The following SIPA1L2 variants were observed in gnomAD, a reference collection of about 807,000 sequenced individuals.
SIPA1L2 encodes signal-induced proliferation-associated 1-like protein 2.
SIPA1L2 carries 56 observed loss-of-function variants against 163.9 expected under a neutral mutation model. The ratio of observed to expected loss-of-function variants is 0.34; its 90% CI spans 0.28 to 0.43. SIPA1L2 has a LOEUF of 0.43. Ranked by LOEUF, SIPA1L2 falls within the 20% of genes least tolerant of loss-of-function variation. The pLI is 1.00. For missense variants in SIPA1L2, 1,974 were observed against 2,193.5 expected, an observed-to-expected ratio of 0.90 and a Z score of 2.00; for synonymous variants, 877 against 865.7, an observed-to-expected ratio of 1.01 and a Z score of -0.23.
intron 10 of SIPA1L2, among the ~76,000 whole-genome samples, chr1:232,448,556 C>A (rs1663352197): frequency 6.6e-6 from 1 of 152,190 alleles, no homozygotes; most frequent in African/African-American, 2.4e-5. Context: ...CAACTGCCAA[C>A]TGAATTTGGA....
intron 19 of SIPA1L2, 104 bp from the exon 20 acceptor site, chr1:232,404,282 G>GT: frequency 1.1e-6 from 1 of 925,102 alleles, no homozygotes; most frequent in South Asian, 1.5e-5. Flanking sequence ...GTGTGTGTGT[G>GT]ATGGACCAGG....
intron 6 of SIPA1L2, among the ~76,000 whole-genome samples, chr1:232,481,335 G>A (rs937273295): frequency 3.3e-5 from 5 of 152,032 alleles, no homozygotes; most frequent in African/African-American, 1.2e-4. Flanking sequence ...GCTGGATGAT[G>A]AGAAGGCCTG....
chr1:232,568,175 T>C lies in SIPA1L2; in HGVS notation c.-270+5999A>G, dbSNP rs543381485. ...AAATTAATCATATCCAACGAGGGCG[T>C]TGTGGAAACCCCAATCTAGTCAATC... is the stretch of plus-strand genomic sequence containing the variant. On this transcript the variant is annotated intron_variant, in intron 2 of 22. Coordinates refer to ENST00000674635, the MANE Select transcript of SIPA1L2 (RefSeq NM_020808.5). Among the ~76,000 whole-genome samples, 153 of 152,206 alleles carry C rather than the reference T, an allele frequency of 1.0e-3. 1 individual carries two copies. The highest frequency in any genetic ancestry group is 3.5e-3 in the African/African-American group (145 of 41,520).
intron 2 of SIPA1L2, among the ~76,000 whole-genome samples, chr1:232,542,616 A>T (rs1303778596): frequency 6.6e-6 from 1 of 152,158 alleles, no homozygotes; most frequent in East Asian, 1.9e-4. Flanking sequence ...CCTGACCCCA[A>T]ACAACTGTAC....
intron 3 of SIPA1L2, among the ~76,000 whole-genome samples, chr1:232,507,689 G>GT (rs1666791448): frequency 1.3e-5 from 2 of 152,178 alleles, no homozygotes; most frequent in Non-Finnish European, 2.9e-5. Context: ...TATCAAGCTG[G>GT]TAAGTTTCTC....
chr1:232,592,573 C>A (rs1392427268), intron 1 of SIPA1L2, among the ~76,000 whole-genome samples: 1 of 152,038 alleles, frequency 6.6e-6, no homozygotes, highest in East Asian at 1.9e-4. Flanking sequence ...ACACTCCTGG[C>A]CCTCAGGTAT....
chr1:232,487,871 G>A (rs1051804709), intron 5 of SIPA1L2, among the ~76,000 whole-genome samples: 4 of 151,404 alleles, frequency 2.6e-5, no homozygotes, highest in African/African-American at 9.7e-5. Context: ...AACCAGGATG[G>A]ACTGCAAACT....
At chr1:232,468,888 G>A (rs981576915) in intron 8 of SIPA1L2, among the ~76,000 whole-genome samples, 1 of 152,174 alleles carries the variant, frequency 6.6e-6, no homozygotes, top group Non-Finnish European at 1.5e-5. Context: ...TAGGCAATTT[G>A]TTATGTCTGC....
At chr1:232,475,108 A>C (rs1664976203) in intron 7 of SIPA1L2, among the ~76,000 whole-genome samples, 2 of 152,214 alleles carry the variant, frequency 1.3e-5, no homozygotes, top group Non-Finnish European at 2.9e-5. Flanking sequence ...CTAAACGCAC[A>C]CAAGTTCTCA....
At chr1:232,604,413 AAAGT>A (rs1661778953) in intron 1 of SIPA1L2, among the ~76,000 whole-genome samples, 1 of 152,242 alleles carries the variant, frequency 6.6e-6, no homozygotes, top group Non-Finnish European at 1.5e-5. Flanking sequence ...ATAACGCAGA[AAAGT>A]AACTATAGTT....
Position 232,597,695 on chromosome 1 carries a change from A to G in SIPA1L2, c.-318-23473T>C, listed in dbSNP as rs1388347942. Among the ~76,000 whole-genome samples the G allele has an allele frequency of 4.4e-3, 627 of 142,906 alleles. 8 individuals are homozygous for G. Among genetic ancestry groups the G allele is most frequent in the African/African-American group, 0.016 (598 of 37,520 alleles). The allele number at this position is 142,906 out of a possible 152,430, so 93.8% of individuals were successfully genotyped here. A position where few individuals can be genotyped will look rare whatever the true frequency, so the allele number is the denominator to read the frequency against. On this transcript the variant is annotated intron_variant, in intron 1 of 22. Transcript: ENST00000674635. ...ACAGAGCGAAACTCTGTCTCAAAAA[A>G]AAAAAAAAAAAAAAAAAAAAGTAAC...
At position 232,425,589 on chromosome 1, in the gene SIPA1L2, T is replaced by C. The variant is rs751010568; in HGVS notation, c.4630A>G (p.Asn1544Asp). 8 of 1,572,698 alleles carry C rather than the reference T, an allele frequency of 5.1e-6. No homozygotes were observed. In the South Asian group the frequency reaches 8.0e-5, roughly 16 times the overall value. The change falls in exon 18 of 23, where the codon AAT (asparagine) becomes GAT (aspartate). Residue 1544 changes from asparagine (N) to aspartate (D), a missense_variant and splice_region_variant. By Grantham distance (23) the Asn-to-Asp change is conservative. Around this residue, in one of 3 missense-constraint regions of SIPA1L2, gnomAD observed 1,079 missense variants for 1,150.7 expected, o/e 0.94. Coordinates refer to ENST00000674635, the MANE Select transcript of SIPA1L2 (RefSeq NM_020808.5). ...HPAPSMGSLR[N>D]EFWFSDGSLS... Reference sequence around the variant, plus strand: ...AGGGAGCAGCCAGCCCCTCACTTACTTCTCAGGCTCCCCATGCTGGGTGCG... The same window carrying C: ...AGGGAGCAGCCAGCCCCTCACTTACCTCTCAGGCTCCCCATGCTGGGTGCG...
chr1:232,590,301 C>T (rs1276286709), intron 1 of SIPA1L2, among the ~76,000 whole-genome samples: 2 of 152,318 alleles, frequency 1.3e-5, no homozygotes, highest in South Asian at 4.1e-4. Flanking sequence ...GACTTTATTT[C>T]TCTAAAAGGT....
intron 2 of SIPA1L2, among the ~76,000 whole-genome samples, chr1:232,564,243 T>TTC (rs1659257622): frequency 3.3e-5 from 1 of 30,268 alleles, no homozygotes; most frequent in African/African-American, 1.6e-4. Flanking sequence ...TTCGTGTGTG[T>TTC]GTGTGTGTGT....
chr1:232,405,016 C>G (rs1221789409), intron 19 of SIPA1L2, among the ~76,000 whole-genome samples: 3 of 152,186 alleles, frequency 2.0e-5, no homozygotes, highest in African/African-American at 4.8e-5. Flanking sequence ...TAATTTACCC[C>G]ACTCTGCCTC....
chr1:232,513,036 G>A (rs1391227282), intron 3 of SIPA1L2, among the ~76,000 whole-genome samples: 6 of 152,170 alleles, frequency 3.9e-5, no homozygotes, highest in African/African-American at 1.2e-4. Flanking sequence ...TAATGAAGGC[G>A]TGAAGGACAC....
chr1:232,514,630 T>A lies in SIPA1L2; in HGVS notation c.710A>T (p.Asp237Val). 1.9e-6 allele frequency: 3 copies of A among 1,614,140 alleles called. No individual in the cohort carries two copies. The highest frequency in any genetic ancestry group is 2.5e-6 in the Non-Finnish European group (3 of 1,180,028). ...PFGFPEFFRC[D>V]PAISPSLHAA... ...ATGAAGGCTCGGAGAGATTGCAGGG[T>A]CACAGCGGAAAAATTCAGGGAACCC... The change falls in exon 3 of 23, where the codon GAC becomes GTC. Residue 237 changes from aspartate to valine, a missense_variant. Asp to Val is a radical substitution (Grantham distance 152, BLOSUM62 -3). This residue lies in a region of SIPA1L2 where 607 missense variants were observed against 624.0 expected (regional missense o/e 0.97). Transcript: ENST00000674635.
chr1:232,576,240 T>C (rs1302269664), intron 1 of SIPA1L2, among the ~76,000 whole-genome samples: 1 of 152,244 alleles, frequency 6.6e-6, no homozygotes, highest in African/African-American at 2.4e-5. Context: ...GTGGCAACCC[T>C]GCATGGAGCA....
chr1:232,445,515 G>T lies in SIPA1L2; in HGVS notation c.3353+14C>A, dbSNP rs371557664. On this transcript the variant is annotated intron_variant, in intron 11 of 22. Transcript: ENST00000674635. ...TTACAAGGGCCCCCCTTGAGGAAAC[G>T]GAACCAGCATTACCTCGTGCCATCG... 1 of 1,613,268 alleles carries T rather than the reference G, an allele frequency of 6.2e-7. No individual in the cohort carries two copies. Among genetic ancestry groups the T allele is most frequent in the Non-Finnish European group, 8.5e-7 (1 of 1,179,742 alleles).
Sources: allele counts gnomAD v4.1 joint callset (sites outside exome capture counted in the v4.1 genomes callset), GRCh38; gene constraint gnomAD v4.1.1; regional missense constraint gnomAD v4.1.1; transcripts MANE v1.5; gene names NCBI Gene and HGNC (gene_info 2026-07-23, HGNC 2026-07-21).